Variants in DIS3L2 observed in about 807,000 individuals in gnomAD.
DIS3L2 encodes the protein DIS3 like 3'-5' exoribonuclease 2.
Under a neutral mutation model 97.5 loss-of-function variants are expected in DIS3L2, and 34 were observed. The ratio of observed to expected loss-of-function variants is 0.35; its 90% CI spans 0.27 to 0.46. DIS3L2 has a LOEUF of 0.46. DIS3L2 is among the 20% of genes least tolerant of loss of function. The probability of loss-of-function intolerance (pLI) is 1.00; values close to 1 mark genes in which losing one functional copy is unlikely to be tolerated. For synonymous variants in DIS3L2, 435 were observed against 445.2 expected (o/e 0.98, Z 0.29); for missense variants, 1,038 against 1,146.0 (o/e 0.91, Z 1.36).
chr2:232,163,324 C>T (rs574161873), intron 8 of DIS3L2, 135 bp from the exon 9 acceptor site: 12 of 802,256 alleles, frequency 1.5e-5, no homozygotes, highest in South Asian at 7.8e-5. Context: ...CAGTGATTTA[C>T]GGATGATCAT....
At chr2:232,062,692 T>C (rs922689411) in intron 5 of DIS3L2, among the ~76,000 whole-genome samples, 1 of 152,128 alleles carries the variant, frequency 6.6e-6, no homozygotes, top group Non-Finnish European at 1.5e-5. Flanking sequence ...AATGGAGATA[T>C]CCAGACTCTC....
intron 6 of DIS3L2, among the ~76,000 whole-genome samples, chr2:232,125,675 G>A (rs971422104): frequency 2.0e-5 from 3 of 152,268 alleles, no homozygotes; most frequent in African/African-American, 7.2e-5. Flanking sequence ...TTAGGCCTAG[G>A]GATTTTGTGA....
chr2:232,087,062 A>G (rs1696682431), intron 5 of DIS3L2, among the ~76,000 whole-genome samples: 1 of 151,866 alleles, frequency 6.6e-6, no homozygotes, highest in Non-Finnish European at 1.5e-5. Flanking sequence ...TTCATCTTGT[A>G]TTCTTGTGGT....
chr2:232,208,023 T>G (rs918923882), intron 9 of DIS3L2, among the ~76,000 whole-genome samples: 3 of 152,204 alleles, frequency 2.0e-5, no homozygotes, highest in African/African-American at 7.2e-5. Context: ...ATCAACCCTA[T>G]GAATATTTAA....
At chr2:232,342,387 G>T (rs932727742) in intron 13 of DIS3L2, among the ~76,000 whole-genome samples, 7 of 152,138 alleles carry the variant, frequency 4.6e-5, no homozygotes, top group African/African-American at 1.7e-4. Context: ...AACACCAAGA[G>T]AGAGGAAAGT....
chr2:231,995,261 G>A (rs994813550), intron 1 of DIS3L2, among the ~76,000 whole-genome samples: 17 of 152,092 alleles, frequency 1.1e-4, no homozygotes, highest in Middle Eastern at 6.3e-3. Flanking sequence ...ATATTCTGAA[G>A]CAAATAGTTC....
intron 5 of DIS3L2, among the ~76,000 whole-genome samples, chr2:232,077,322 G>C (rs1696224316): frequency 6.7e-6 from 1 of 149,768 alleles, no homozygotes. Context: ...AAAAACAGTA[G>C]ATAGATTACA....
At chr2:232,000,674 TTC>T (rs1242630069) in intron 1 of DIS3L2, among the ~76,000 whole-genome samples, 1 of 148,694 alleles carries the variant, frequency 6.7e-6, no homozygotes, top group Non-Finnish European at 1.5e-5. Context: ...CTTTCTCTCT[TTC>T]TCTCTTTCTG....
At chr2:232,316,924 G>A (rs1185776105) in intron 14 of DIS3L2, among the ~76,000 whole-genome samples, 2 of 152,136 alleles carry the variant, frequency 1.3e-5, no homozygotes, top group South Asian at 4.1e-4. Context: ...TCATTGTACC[G>A]TTCCTGAAGA....
chr2:232,171,194 T>C (rs1202784980), intron 9 of DIS3L2, among the ~76,000 whole-genome samples: 1 of 152,196 alleles, frequency 6.6e-6, no homozygotes, highest in African/African-American at 2.4e-5. Flanking sequence ...TTAGGATTTT[T>C]CAAAACATGT....
At chr2:232,012,121 T>C (rs1694217210) in intron 1 of DIS3L2, among the ~76,000 whole-genome samples, 1 of 152,222 alleles carries the variant, frequency 6.6e-6, no homozygotes, top group Non-Finnish European at 1.5e-5. Context: ...GCTGACTTGT[T>C]TTTAAAGTAG....
At chr2:232,338,394 G>A (rs1050932729), downstream of DIS3L2, among the ~76,000 whole-genome samples, 9 of 152,196 alleles carry the variant, frequency 5.9e-5, no homozygotes, top group Non-Finnish European at 1.2e-4. Context: ...CTGCTGCCTG[G>A]GCTTGTTTGG....
At chr2:232,176,077 G>A (rs1245453574) in intron 9 of DIS3L2, among the ~76,000 whole-genome samples, 2 of 152,070 alleles carry the variant, frequency 1.3e-5, no homozygotes, top group Non-Finnish European at 2.9e-5. Context: ...TCTTCATAGA[G>A]ACAGGGTTTC....
chr2:232,060,708 T>G (rs1434075653), intron 5 of DIS3L2, among the ~76,000 whole-genome samples: 1 of 152,204 alleles, frequency 6.6e-6, no homozygotes, highest in African/African-American at 2.4e-5. Flanking sequence ...ATTGGTATTT[T>G]GTTAGGTATT....
chr2:232,016,504 G>A (rs1383687609), intron 3 of DIS3L2, among the ~76,000 whole-genome samples: 3 of 152,152 alleles, frequency 2.0e-5, no homozygotes, highest in Non-Finnish European at 4.4e-5. Flanking sequence ...GTTCTGGAGA[G>A]GCTTCCTGGA....
chr2:232,140,939 C>A (rs1393896712), intron 8 of DIS3L2, among the ~76,000 whole-genome samples: 2 of 152,114 alleles, frequency 1.3e-5, no homozygotes, highest in African/African-American at 4.8e-5. Context: ...CCCAAGTGAA[C>A]CCTTGCTAGC....
Position 232,079,898 on chromosome 2 carries a change from A to C in DIS3L2, c.367-7589A>C, listed in dbSNP as rs117770164. Among the ~76,000 whole-genome samples the C allele has an allele frequency of 8.1e-4, 124 of 152,248 alleles. 2 individuals are homozygous for C. The East Asian group carries it at 0.022, about 27-fold the overall frequency. ...TGGAGGGTCATTTGCAAAAGAAGAA[A>C]CTGTAGAACATGAGGATAGAAAAAT... On this transcript the variant is annotated intron_variant, in intron 5 of 20. Transcript: ENST00000325385.
intron 13 of DIS3L2, among the ~76,000 whole-genome samples, chr2:232,297,075 C>T (rs1200437581): frequency 6.6e-6 from 1 of 152,170 alleles, no homozygotes; most frequent in East Asian, 1.9e-4. Context: ...TATGTACTTC[C>T]AAGTCTTGTC....
chr2:232,309,680 C>CAAGCCAAAGCCA (rs959324943), intron 14 of DIS3L2, among the ~76,000 whole-genome samples: 1 of 152,158 alleles, frequency 6.6e-6, no homozygotes, highest in Non-Finnish European at 1.5e-5. Flanking sequence ...GGAAAGTCCT[C>CAAGCCAAAGCCA]AAGCCAAAGC....
Sources: allele counts gnomAD v4.1 joint callset (sites outside exome capture counted in the v4.1 genomes callset), GRCh38; gene constraint gnomAD v4.1.1; transcripts MANE v1.5; gene names NCBI Gene and HGNC (gene_info 2026-07-23, HGNC 2026-07-21).